Variants in DCUN1D1 observed in about 807,000 individuals in gnomAD.
DCUN1D1 encodes the protein defective in cullin neddylation 1 domain containing 1.
In DCUN1D1, 3 loss-of-function variants were observed where a neutral mutation model predicts 39.0. The ratio of observed to expected loss-of-function variants is 0.08; its 90% CI spans 0.04 to 0.20. The LOEUF is 0.20. DCUN1D1 is among the 10% of genes least tolerant of loss of function. The probability of loss-of-function intolerance (pLI) is 1.00; values close to 1 mark genes in which losing one functional copy is unlikely to be tolerated. For missense variants in DCUN1D1, 158 were observed against 302.4 expected (o/e 0.52, Z 3.54); for synonymous variants, 82 against 96.3 (o/e 0.85, Z 0.87).
In DCUN1D1 at chr3:182,965,696, A is replaced by C; in HGVS notation, c.61T>G (p.Ser21Ala). 6.2e-7 allele frequency: 1 copy of C among 1,613,822 alleles called. No individual in the cohort carries two copies. The highest frequency in any genetic ancestry group is 8.5e-7 in the Non-Finnish European group (1 of 1,179,896). Residue 21 changes from serine to alanine, a missense_variant, in exon 2 of 7, where the codon TCT becomes GCT. Transcript: ENST00000292782. Reference protein sequence around the residue: ...KVRQFMIFTQSSEKTAVSCLS... With the variant: ...KVRQFMIFTQASEKTAVSCLS... ...CAACTTACTGCTGTTTTTTCACTAGATTGTGTGAAGATCATAAACTGACGA... is the reference window on the plus strand; with the variant it reads ...CAACTTACTGCTGTTTTTTCACTAGCTTGTGTGAAGATCATAAACTGACGA...
chr3:182,948,930 C>T (rs935507215), intron 4 of DCUN1D1, among the ~76,000 whole-genome samples: 1 of 151,424 alleles, frequency 6.6e-6, no homozygotes, highest in African/African-American at 2.4e-5. Flanking sequence ...CACCTGTAAT[C>T]CCAGCTACTC....
chr3:182,947,487 A>T (rs1726473710), intron 5 of DCUN1D1, 63 bp downstream of exon 5: 1 of 1,178,212 alleles, frequency 8.5e-7, no homozygotes, highest in East Asian at 2.4e-5. Context: ...CATTATGTTA[A>T]TTTATCTTTA....
At chr3:182,965,893 A>T in intron 1 of DCUN1D1, 140 bp from the exon 2 acceptor site, 2 of 636,256 alleles carry the variant, frequency 3.1e-6, no homozygotes, top group Non-Finnish European at 2.7e-6. Flanking sequence ...TTTATTTTTG[A>T]TCTATTATTC....
At position 182,980,517 on chromosome 3, in the gene DCUN1D1, C is replaced by G. The variant is rs1482077233; in HGVS notation, c.-28G>C. On this transcript the variant is annotated 5_prime_UTR_variant, in exon 1 of 7. Transcript: ENST00000292782. ...TGGTGTCCTCCAGGCCTCTCCCCTC[C>G]TCCTCCGGCTCCGCAGCGAATGGAC... 10 of 1,235,516 alleles carry G rather than the reference C, an allele frequency of 8.1e-6. No individual in the cohort carries two copies. Among genetic ancestry groups the G allele is most frequent in the Non-Finnish European group, 1.0e-5 (10 of 970,594 alleles). The allele number at this position is 1,235,516 out of a possible 1,614,324, so 76.5% of individuals were successfully genotyped here.
intron 3 of DCUN1D1, 70 bp from the exon 4 acceptor site, chr3:182,961,426 T>C: frequency 7.6e-7 from 1 of 1,322,264 alleles, no homozygotes; most frequent in Non-Finnish European, 1.1e-6. Context: ...CTTATTCCCA[T>C]GAGGGCTTAC....
chr3:182,970,920 A>C lies in DCUN1D1; in HGVS notation c.4-5167T>G, dbSNP rs552676388. 9.8e-5 allele frequency among the ~76,000 whole-genome samples: 15 copies of C among 152,342 alleles called. No individual in the cohort carries two copies. The South Asian group carries it at 3.1e-3, about 32-fold the overall frequency. Reference sequence around the variant, plus strand: ...AAGTGCAGGAAAAATCAATTCAGCCAATGAGCCTACCTACAACTCCCAGAG... The same window carrying C: ...AAGTGCAGGAAAAATCAATTCAGCCCATGAGCCTACCTACAACTCCCAGAG... On this transcript the variant is annotated intron_variant, in intron 1 of 6. Coordinates refer to ENST00000292782, the MANE Select transcript of DCUN1D1 (RefSeq NM_020640.4).
At chr3:182,948,749 A>G (rs16833613) in intron 4 of DCUN1D1, among the ~76,000 whole-genome samples, 15,428 of 152,082 alleles carry the variant, frequency 0.1, 825 homozygotes, top group Middle Eastern at 0.17. Context: ...TGCTGCCCCA[A>G]TTTTTAAAAG....
At chr3:182,969,326 G>A (rs547461499) in intron 1 of DCUN1D1, among the ~76,000 whole-genome samples, 1 of 152,308 alleles carries the variant, frequency 6.6e-6, no homozygotes, top group African/African-American at 2.4e-5. Flanking sequence ...TTCTGATTTT[G>A]ACAGTATGGC....
intron 1 of DCUN1D1, among the ~76,000 whole-genome samples, chr3:182,973,521 A>T (rs1728055186): frequency 6.6e-6 from 1 of 152,200 alleles, no homozygotes; most frequent in Admixed American, 6.5e-5. Context: ...TCAAAAATTC[A>T]GAAGTGGCCG....
intron 4 of DCUN1D1, among the ~76,000 whole-genome samples, chr3:182,947,938 A>G (rs1170335261): frequency 1.3e-5 from 2 of 152,240 alleles, no homozygotes; most frequent in African/African-American, 4.8e-5. Flanking sequence ...AATATTAGTT[A>G]CTGTACACCA....
intron 1 of DCUN1D1, among the ~76,000 whole-genome samples, chr3:182,972,964 C>A (rs1728022879): frequency 6.6e-6 from 1 of 152,076 alleles, no homozygotes; most frequent in African/African-American, 2.4e-5. Context: ...ATTGCTTGAA[C>A]CCGGGAGGCG....
intron 6 of DCUN1D1, among the ~76,000 whole-genome samples, chr3:182,946,798 T>G: frequency 6.6e-6 from 1 of 152,038 alleles, no homozygotes; most frequent in East Asian, 1.9e-4. Flanking sequence ...TATGAAGGTA[T>G]TTCATACATT....
At position 182,938,228 on chromosome 3, in the gene DCUN1D1, T is replaced by C. The variant is rs1017799651; in HGVS notation, c.*6866A>G. The C allele has an allele frequency of 6.6e-6, 1 of 152,172 alleles. No individual in the cohort carries two copies. The highest frequency in any genetic ancestry group is 2.4e-5 in the African/African-American group (1 of 41,430). The allele number at this position is 152,172 out of a possible 1,614,324, so 9.4% of individuals were successfully genotyped here. On this transcript the variant is annotated 3_prime_UTR_variant, in exon 7 of 7. Transcript: ENST00000292782. ...TTTGAAATTGCATAGAAATTTAAAGTGCTAAAGCAATCATTGTTTTTTCAA... is the reference window on the plus strand; with the variant it reads ...TTTGAAATTGCATAGAAATTTAAAGCGCTAAAGCAATCATTGTTTTTTCAA...
chr3:182,951,164 C>T (rs1423584042), intron 4 of DCUN1D1, among the ~76,000 whole-genome samples: 1 of 152,064 alleles, frequency 6.6e-6, no homozygotes, highest in African/African-American at 2.4e-5. Context: ...AATTGTCTGG[C>T]TTAAGTGCCA....
Position 182,955,929 on chromosome 3 carries a change from C to CTT in DCUN1D1, c.520+5295_520+5296dup, listed in dbSNP as rs71185615. On this transcript the variant is annotated intron_variant, in intron 4 of 6. Transcript: ENST00000292782. ...TCTTGGTCTAAACATGCTTATCAAA[C>CTT]TTTTTTTTTTTTTTTTTGAGGCAGA... The CTT allele has an allele frequency of 2.3e-3, 302 of 132,230 alleles. 1 individual carries two copies. The highest frequency in any genetic ancestry group is 3.4e-3 in the Non-Finnish European group (219 of 63,546). 8.2% of individuals were successfully genotyped at this position (132,230 alleles called of 1,614,324 possible).
At chr3:182,947,204 TAA>T in intron 6 of DCUN1D1, 32 bp downstream of exon 6, 1 of 1,255,324 alleles carries the variant, frequency 8.0e-7, no homozygotes, top group Non-Finnish European at 1.1e-6. Flanking sequence ...AAAGGCACAT[TAA>T]AAAAAAGTGG....
At chr3:182,953,958 T>A (rs567309387) in intron 4 of DCUN1D1, among the ~76,000 whole-genome samples, 2 of 152,154 alleles carry the variant, frequency 1.3e-5, no homozygotes, top group Non-Finnish European at 2.9e-5. Flanking sequence ...AGGATGAACA[T>A]GGAAATGAAT....
At chr3:182,950,212 A>G (rs752454351) in intron 4 of DCUN1D1, among the ~76,000 whole-genome samples, 2 of 151,732 alleles carry the variant, frequency 1.3e-5, no homozygotes, top group African/African-American at 2.4e-5. Context: ...CTGTGGTGCA[A>G]TCTCGGTTCA....
At chr3:182,981,962 T>G (rs1372109173), upstream of DCUN1D1, among the ~76,000 whole-genome samples, 1 of 152,224 alleles carries the variant, frequency 6.6e-6, no homozygotes, top group East Asian at 1.9e-4. Context: ...GCAGCAAGCC[T>G]GAAACTGGAC....
Sources: gnomAD v4.1 joint callset for allele counts (sites outside exome capture counted in the v4.1 genomes callset) on GRCh38, gnomAD v4.1.1 for gene constraint, MANE v1.5 for transcripts, NCBI Gene and HGNC (gene_info 2026-07-23, HGNC 2026-07-21) for gene names.